The following EPHA5 variants were observed in gnomAD, a reference collection of about 807,000 sequenced individuals.
The protein encoded by EPHA5 is EPH receptor A5, also known as ephrin type-A receptor 5.
In EPHA5, 60 loss-of-function variants were observed where a neutral mutation model predicts 105.0. The ratio of observed to expected loss-of-function variants is 0.57; its 90% CI spans 0.46 to 0.71. EPHA5 has a LOEUF of 0.71. Ranked by LOEUF, EPHA5 falls within the 30% of genes least tolerant of loss-of-function variation. The pLI is 0.00. For synonymous variants in EPHA5, 513 were observed against 449.1 expected, an observed-to-expected ratio of 1.14 and a Z score of -1.80; for missense variants, 1,218 against 1,274.7, an observed-to-expected ratio of 0.96 and a Z score of 0.68.
intron 2 of EPHA5, among the ~76,000 whole-genome samples, chr4:65,639,870 G>A (rs1381065177): frequency 6.6e-6 from 1 of 151,940 alleles, no homozygotes; most frequent in South Asian, 2.1e-4. Flanking sequence ...AGGCTGTATT[G>A]CAAATTCATT....
At chr4:65,593,516 T>C (rs953074065) in intron 3 of EPHA5, among the ~76,000 whole-genome samples, 1 of 152,182 alleles carries the variant, frequency 6.6e-6, no homozygotes, top group Admixed American at 6.5e-5. Flanking sequence ...TGCTAAAATG[T>C]AGATCCAGAT....
intron 8 of EPHA5, among the ~76,000 whole-genome samples, chr4:65,395,018 C>T (rs1010445076): frequency 4.6e-5 from 7 of 152,080 alleles, no homozygotes; most frequent in African/African-American, 1.4e-4. Context: ...TAAATAGCTG[C>T]ATTAAAAACT....
At position 65,622,088 on chromosome 4, in the gene EPHA5, A is replaced by G. The variant is rs77914711; in HGVS notation, c.247-19784T>C. On this transcript the variant is annotated intron_variant, in intron 2 of 16. Coordinates refer to ENST00000613740, the MANE Select transcript of EPHA5 (RefSeq NM_001281766.3). Reference sequence around the variant, plus strand: ...GTTTAAAATTATTTAGTCAGGCCCAACTTGCTCTGGGAATACTTACATTAC... The same window carrying G: ...GTTTAAAATTATTTAGTCAGGCCCAGCTTGCTCTGGGAATACTTACATTAC... Among the ~76,000 whole-genome samples the G allele has an allele frequency of 1.0e-2, 1,518 of 152,230 alleles. 84 individuals carry two copies. In the East Asian group the frequency reaches 0.1, roughly 10 times the overall value.
chr4:65,475,336 A>T (rs1201212050), intron 5 of EPHA5, among the ~76,000 whole-genome samples: 1 of 152,202 alleles, frequency 6.6e-6, no homozygotes, highest in Non-Finnish European at 1.5e-5. Flanking sequence ...AATCAATTTC[A>T]TAAAATCACA....
intron 3 of EPHA5, among the ~76,000 whole-genome samples, chr4:65,599,527 C>T (rs990541529): frequency 1.3e-5 from 2 of 152,110 alleles, no homozygotes; most frequent in Non-Finnish European, 2.9e-5. Flanking sequence ...ACTTGAAACT[C>T]TTCCTAGAGT....
intron 5 of EPHA5, among the ~76,000 whole-genome samples, chr4:65,455,027 C>A (rs528187655): frequency 6.6e-6 from 1 of 152,100 alleles, no homozygotes; most frequent in African/African-American, 2.4e-5. Context: ...GGGCAGATCA[C>A]AAGGTCAGGA....
At chr4:65,476,767 T>C (rs1422943407) in intron 5 of EPHA5, among the ~76,000 whole-genome samples, 1 of 152,116 alleles carries the variant, frequency 6.6e-6, no homozygotes, top group Non-Finnish European at 1.5e-5. Context: ...ATTAACTAAG[T>C]AGGCTAAGAC....
At chr4:65,662,152 T>C (rs1023108872) in intron 1 of EPHA5, among the ~76,000 whole-genome samples, 1 of 151,624 alleles carries the variant, frequency 6.6e-6, no homozygotes, top group Non-Finnish European at 1.5e-5. Context: ...GGAAGAGACA[T>C]GACAAATGAA....
At chr4:65,600,552 A>T (rs1452510800) in intron 3 of EPHA5, among the ~76,000 whole-genome samples, 1 of 152,132 alleles carries the variant, frequency 6.6e-6, no homozygotes, top group Admixed American at 6.6e-5. Flanking sequence ...TGGATCGATA[A>T]TCAATCTACA....
At chr4:65,641,259 A>T (rs1403049655) in intron 2 of EPHA5, among the ~76,000 whole-genome samples, 6 of 152,202 alleles carry the variant, frequency 3.9e-5, no homozygotes, top group African/African-American at 1.4e-4. Context: ...GACACGGAGC[A>T]AGTAAAATGC....
intron 5 of EPHA5, among the ~76,000 whole-genome samples, chr4:65,438,589 A>G (rs1725711340): frequency 6.6e-6 from 1 of 151,976 alleles, no homozygotes; most frequent in Non-Finnish European, 1.5e-5. Flanking sequence ...TTATGAAAGG[A>G]TTTCAATAAG....
intron 8 of EPHA5, among the ~76,000 whole-genome samples, chr4:65,376,534 G>A (rs1400318940): frequency 6.6e-6 from 1 of 151,904 alleles, no homozygotes; most frequent in Admixed American, 6.6e-5. Flanking sequence ...AATTACATGT[G>A]GCTTTGTTTT....
chr4:65,459,713 A>C (rs531882746), intron 5 of EPHA5, among the ~76,000 whole-genome samples: 25 of 151,976 alleles, frequency 1.6e-4, no homozygotes, highest in Non-Finnish European at 3.0e-4. Context: ...TGGAAACAAT[A>C]AAATGAAACC....
intron 3 of EPHA5, among the ~76,000 whole-genome samples, chr4:65,582,662 G>GA (rs1360117527): frequency 6.6e-6 from 1 of 151,416 alleles, no homozygotes; most frequent in South Asian, 2.1e-4. Context: ...GAGGAAAGAG[G>GA]AAAAAAATGA....
At chr4:65,367,312 G>T (rs1718005808) in intron 9 of EPHA5, 45 bp downstream of exon 9, 16 of 1,438,970 alleles carry the variant, frequency 1.1e-5, no homozygotes, top group Non-Finnish European at 1.5e-5. Context: ...TAACAATAAA[G>T]TGTCCCCTAT....
At chr4:65,364,959 T>C (rs1467818948) in intron 11 of EPHA5, 58 bp downstream of exon 11, 3 of 1,350,538 alleles carry the variant, frequency 2.2e-6, no homozygotes, top group African/African-American at 2.9e-5. Context: ...AAATTAATAA[T>C]AATCTAGACA....
chr4:65,494,368 A>G (rs1379092067), intron 4 of EPHA5, among the ~76,000 whole-genome samples: 4 of 152,198 alleles, frequency 2.6e-5, no homozygotes, highest in African/African-American at 9.6e-5. Flanking sequence ...ATTTTTGTGA[A>G]CAACTTTGAA....
At chr4:65,454,195 G>A (rs1727344678) in intron 5 of EPHA5, among the ~76,000 whole-genome samples, 1 of 151,998 alleles carries the variant, frequency 6.6e-6, no homozygotes, top group Non-Finnish European at 1.5e-5. Context: ...CAGAAGAATC[G>A]CTTGAACTCA....
At chr4:65,546,279 A>G (rs1002249839) in intron 3 of EPHA5, among the ~76,000 whole-genome samples, 2 of 152,002 alleles carry the variant, frequency 1.3e-5, no homozygotes, top group African/African-American at 2.4e-5. Context: ...GAATTTAATA[A>G]TCAAGTTGCA....
Sources: gnomAD v4.1 joint callset for allele counts (sites outside exome capture counted in the v4.1 genomes callset) on GRCh38, gnomAD v4.1.1 for gene constraint, MANE v1.5 for transcripts, NCBI Gene and HGNC (gene_info 2026-07-23, HGNC 2026-07-21) for gene names.